CCT2: variants seen among roughly 807,000 people sequenced by gnomAD.
CCT2 encodes the protein T-complex protein 1 subunit beta.
Under a neutral mutation model 61.8 loss-of-function variants are expected in CCT2, and 18 were observed. The ratio of observed to expected loss-of-function variants is 0.29; its 90% confidence interval spans 0.20 to 0.43. CCT2 has a LOEUF of 0.43. CCT2 is among the 20% of genes least tolerant of loss of function. The pLI, the probability that CCT2 is intolerant of heterozygous loss-of-function variation, is 1.00. For missense variants in CCT2, 556 were observed against 656.9 expected (o/e 0.85, Z 1.68); for synonymous variants, 248 against 215.9 (o/e 1.15, Z -1.30).
At chr12:69,594,030 G>A (rs73144539) in intron 10 of CCT2, among the ~76,000 whole-genome samples, 5 of 151,952 alleles carry the variant, frequency 3.3e-5, no homozygotes, top group Admixed American at 6.6e-5. Context: ...TAGCCACTTG[G>A]GGGGAGGCTG....
At chr12:69,585,956 G>T in intron 1 of CCT2, 1 of 1,295,678 alleles carries the variant, frequency 7.7e-7, no homozygotes, top group Non-Finnish European at 9.8e-7. Flanking sequence ...CACCTTGATG[G>T]CCTGCAACCC....
At chr12:69,589,365 C>T in intron 6 of CCT2, 120 bp from the exon 7 acceptor site, 1 of 680,616 alleles carries the variant, frequency 1.5e-6, no homozygotes, top group Non-Finnish European at 2.5e-6. Flanking sequence ...AGGTTTAATT[C>T]TTTTCATATA....
At chr12:69,594,173 C>A (rs545294801) in intron 10 of CCT2, among the ~76,000 whole-genome samples, 105 of 151,786 alleles carry the variant, frequency 6.9e-4, no homozygotes, top group African/African-American at 2.4e-3. Context: ...TTTTTTCTCA[C>A]AAACCTGTAA....
intron 7 of CCT2, 158 bp downstream of exon 7, chr12:69,589,845 T>G (rs183322683): frequency 1.6e-6 from 1 of 620,544 alleles, no homozygotes; most frequent in Non-Finnish European, 2.8e-6. Flanking sequence ...TTATTGACAG[T>G]GTACTCCTCT....
In CCT2 at chr12:69,592,983, G is replaced by A; in HGVS notation, c.758G>A (p.Gly253Asp). 6.2e-7 allele frequency: 1 copy of A among 1,612,220 alleles called. No individual in the cohort carries two copies. The change falls in exon 9 of 16, where the codon GGT (glycine) becomes GAT (aspartate). Residue 253 changes from glycine to aspartate, a missense_variant. Around this residue, in one of 3 missense-constraint regions of CCT2, gnomAD observed 308 missense variants for 350.6 expected, o/e 0.88. Coordinates refer to ENST00000299300, the MANE Select transcript of CCT2 (RefSeq NM_006431.3). ...GMDTDKIKIF[G>D]SRVRVDSTAK... ...ATGCTTCGTTTGTCTTAGATATTTGGTTCCCGGGTAAGAGTTGACTCTACA... is the reference window on the plus strand; with the variant it reads ...ATGCTTCGTTTGTCTTAGATATTTGATTCCCGGGTAAGAGTTGACTCTACA...
At chr12:69,589,767 G>A (rs1881778950) in intron 7 of CCT2, 80 bp downstream of exon 7, 3 of 1,142,204 alleles carry the variant, frequency 2.6e-6, no homozygotes, top group Non-Finnish European at 3.8e-6. Flanking sequence ...TTTGAGACCA[G>A]TGACCCTTTA....
In CCT2 at chr12:69,593,000, G is replaced by T; in HGVS notation, c.775G>T (p.Asp259Tyr). ...GATATTTGGTTCCCGGGTAAGAGTT[G>T]ACTCTACAGCAAAGGTTGCAGAAAT... is the stretch of plus-strand genomic sequence containing the variant. ...IKIFGSRVRV[D>Y]STAKVAEIEH... The change falls in exon 9 of 16, where the codon GAC becomes TAC. Residue 259 changes from aspartate (D) to tyrosine (Y), a missense_variant. Transcript: ENST00000299300. 1.9e-6 allele frequency: 3 copies of T among 1,613,468 alleles called. No individual in the cohort carries two copies. The highest frequency in any genetic ancestry group is 2.5e-6 in the Non-Finnish European group (3 of 1,179,698).
intron 10 of CCT2, among the ~76,000 whole-genome samples, chr12:69,595,288 C>T (rs1881953921): frequency 6.6e-6 from 1 of 152,104 alleles, no homozygotes; most frequent in Admixed American, 6.5e-5. Context: ...GGTTTACTTG[C>T]TTTAAAGTTA....
chr12:69,591,363 A>G (rs1253708688), intron 7 of CCT2, among the ~76,000 whole-genome samples: 1 of 152,162 alleles, frequency 6.6e-6, no homozygotes, highest in East Asian at 1.9e-4. Flanking sequence ...TTTACAAATT[A>G]GCATTTCTGG....
chr12:69,585,793 G>A (rs755176707), intron 1 of CCT2: 11 of 1,375,874 alleles, frequency 8.0e-6, no homozygotes, highest in Non-Finnish European at 9.4e-6. Context: ...GCCTCACCCG[G>A]AGCGAAGAAA....
chr12:69,598,235 A>G, intron 13 of CCT2, 87 bp from the exon 14 acceptor site: 9 of 1,094,196 alleles, frequency 8.2e-6, no homozygotes, highest in Middle Eastern at 2.1e-4. Context: ...TCCTAAATGT[A>G]TAATTTTAAA....
chr12:69,587,539 C>G lies in CCT2; in HGVS notation c.179C>G (p.Ser60Cys). Reference sequence around the variant, plus strand: ...CTTCTAAGCAGTGGACGAGATGCCTCTCTTATGGTAACCAATGATGGTGCC... The same window carrying G: ...CTTCTAAGCAGTGGACGAGATGCCTGTCTTATGGTAACCAATGATGGTGCC... Reference protein sequence around the residue: ...KILLSSGRDASLMVTNDGATI... With the variant: ...KILLSSGRDACLMVTNDGATI... The change falls in exon 4 of 16, where the codon TCT (serine) becomes TGT (cysteine). Residue 60 changes from serine (S) to cysteine (C), a missense_variant. Ser to Cys is a moderately radical substitution (Grantham distance 112). Coordinates refer to ENST00000299300, the MANE Select transcript of CCT2 (RefSeq NM_006431.3). 6.2e-7 allele frequency: 1 copy of G among 1,613,550 alleles called. No homozygotes were observed. The highest frequency in any genetic ancestry group is 8.5e-7 in the Non-Finnish European group (1 of 1,179,508).
At chr12:69,599,795 T>C (rs1004002097) in intron 14 of CCT2, 68 bp from the exon 15 acceptor site, 3 of 1,292,572 alleles carry the variant, frequency 2.3e-6, no homozygotes, top group African/African-American at 1.5e-5. Context: ...ATTTTTATTA[T>C]AAATCATTAG....
At chr12:69,597,385 T>G in intron 11 of CCT2, 110 bp downstream of exon 11, 1 of 1,325,510 alleles carries the variant, frequency 7.5e-7, no homozygotes, top group Admixed American at 2.0e-5. Flanking sequence ...TCTTAACTCT[T>G]CAGAAGCATG....
At chr12:69,594,736 A>G (rs1881937387) in intron 10 of CCT2, among the ~76,000 whole-genome samples, 1 of 152,018 alleles carries the variant, frequency 6.6e-6, no homozygotes, top group Non-Finnish European at 1.5e-5. Flanking sequence ...AGTCCTAGCT[A>G]CTTGGGAGGT....
chr12:69,597,631 A>T lies in CCT2; in HGVS notation c.1103-7A>T. 6.2e-7 allele frequency: 1 copy of T among 1,609,016 alleles called. No homozygotes were observed. The highest frequency in any genetic ancestry group is 1.7e-5 in the Admixed American group (1 of 58,656). ...CCCTAAGTGGTCACTGTGTCTTTTA[A>T]TTTTAGGTGAGGCTTGTACCATTGT... is the stretch of plus-strand genomic sequence containing the variant. On this transcript the variant is annotated splice_polypyrimidine_tract_variant and splice_region_variant and intron_variant, in intron 11 of 15. Transcript: ENST00000299300.
chr12:69,588,089 C>T, intron 5 of CCT2, 61 bp from the exon 6 acceptor site: 2 of 1,509,868 alleles, frequency 1.3e-6, no homozygotes, highest in South Asian at 1.1e-5. Flanking sequence ...TCTGTCTTTA[C>T]TATTGAGGAG....
intron 8 of CCT2, 86 bp from the exon 9 acceptor site, chr12:69,592,890 T>C (rs1881877344): frequency 7.6e-7 from 1 of 1,321,346 alleles, no homozygotes; most frequent in Admixed American, 2.2e-5. Flanking sequence ...ATTGCCCCAC[T>C]GCACTCCAGC....
At position 69,592,523 on chromosome 12, in the gene CCT2, C is replaced by T. The variant is rs1423808589; in HGVS notation, c.750+364C>T. The T allele has an allele frequency of 2.3e-5, 4 of 176,990 alleles. No homozygotes were observed. In the Admixed American group the frequency reaches 2.3e-4, roughly 10 times the overall value. 11.0% of individuals were successfully genotyped at this position (176,990 alleles called of 1,614,324 possible). ...AAAAAAAATTGCTGGATTCTATAAA[C>T]TCAGGAATCAATTGCACTAAAAAGC... is the stretch of plus-strand genomic sequence containing the variant. On this transcript the variant is annotated intron_variant, in intron 8 of 15. Coordinates refer to ENST00000299300, the MANE Select transcript of CCT2 (RefSeq NM_006431.3).
Sources: gnomAD v4.1 joint callset for allele counts (sites outside exome capture counted in the v4.1 genomes callset) on GRCh38, gnomAD v4.1.1 for gene constraint, gnomAD v4.1.1 regional missense constraint, MANE v1.5 for transcripts, NCBI Gene and HGNC (gene_info 2026-07-23, HGNC 2026-07-21) for gene names.